FRMD3: variants seen among roughly 807,000 people sequenced by gnomAD.
The protein encoded by FRMD3 is FERM domain containing 3.
In FRMD3, 33 loss-of-function variants were observed where a neutral mutation model predicts 70.2. The ratio of observed to expected loss-of-function variants is 0.47; its 90% confidence interval spans 0.36 to 0.63. The LOEUF (loss-of-function observed/expected upper bound fraction) is 0.63, where lower values mean the gene tolerates loss of function less well. FRMD3 is among the 20% of genes least tolerant of loss of function. The pLI is 0.00. For missense variants in FRMD3, 632 were observed against 711.4 expected (o/e 0.89, Z 1.27); for synonymous variants, 279 against 255.9 (o/e 1.09, Z -0.86).
At chr9:83,560,180 C>A in the FRMD3 span, among the ~76,000 whole-genome samples, 1 of 152,252 alleles carries the variant, frequency 6.6e-6, no homozygotes, top group African/African-American at 2.4e-5. Flanking sequence ...CTTGGCAGTG[C>A]GAGTTTGCAG....
At chr9:83,567,982 C>G in the FRMD3 span, among the ~76,000 whole-genome samples, 1 of 152,174 alleles carries the variant, frequency 6.6e-6, no homozygotes, top group African/African-American at 2.4e-5. Flanking sequence ...TCTACTGGTA[C>G]CAATTCACTG....
At chr9:83,355,046 C>T (rs1205079933) in intron 3 of FRMD3, among the ~76,000 whole-genome samples, 2 of 152,160 alleles carry the variant, frequency 1.3e-5, no homozygotes, top group Non-Finnish European at 2.9e-5. Flanking sequence ...TGTATGACTG[C>T]TGGAAAAGGA....
intron 1 of FRMD3, among the ~76,000 whole-genome samples, chr9:83,436,080 C>T (rs926191235): frequency 5.3e-5 from 8 of 152,304 alleles, no homozygotes; most frequent in African/African-American, 1.4e-4. Context: ...CAGCCCCACA[C>T]AACACTGATT....
At chr9:83,423,370 AC>A (rs1202209659) in intron 1 of FRMD3, among the ~76,000 whole-genome samples, 2 of 151,970 alleles carry the variant, frequency 1.3e-5, no homozygotes, top group African/African-American at 4.8e-5. Context: ...ATAGATGAGG[AC>A]CCCAGAACAT....
At chr9:83,369,418 A>G (rs1483286897) in intron 3 of FRMD3, among the ~76,000 whole-genome samples, 2 of 151,952 alleles carry the variant, frequency 1.3e-5, no homozygotes, top group African/African-American at 2.4e-5. Flanking sequence ...TCTACTAAAA[A>G]TACAAAAATT....
Position 83,246,113 on chromosome 9 carries a change from C to A in FRMD3, c.*1805G>T, listed in dbSNP as rs1003725505. 5.3e-5 allele frequency: 52 copies of A among 983,800 alleles called. No individual in the cohort carries two copies. Among genetic ancestry groups the A allele is most frequent in the Non-Finnish European group, 5.7e-5 (47 of 828,632 alleles). The allele number at this position is 983,800 out of a possible 1,614,324, so 60.9% of individuals were successfully genotyped here. On this transcript the variant is annotated 3_prime_UTR_variant, in exon 14 of 14. Transcript: ENST00000304195. Reference sequence around the variant, plus strand: ...TAAATGTCCAGTGAAGTACTCAGAGCTCCACTGAGTGAGTGGAAATGTATT... The same window carrying A: ...TAAATGTCCAGTGAAGTACTCAGAGATCCACTGAGTGAGTGGAAATGTATT...
chr9:83,443,748 C>T (rs981582451), intron 1 of FRMD3, among the ~76,000 whole-genome samples: 54 of 152,166 alleles, frequency 3.5e-4, no homozygotes, highest in African/African-American at 1.3e-3. Context: ...GCAGTCTACA[C>T]TCCCACCAAC....
the FRMD3 span, among the ~76,000 whole-genome samples, chr9:83,584,944 A>G: frequency 3.9e-5 from 6 of 152,240 alleles, no homozygotes; most frequent in Non-Finnish European, 8.8e-5. Flanking sequence ...CTTGAAAGAC[A>G]TGAAAGACAG....
chr9:83,310,428 C>T, intron 9 of FRMD3, 57 bp downstream of exon 9: 2 of 1,373,112 alleles, frequency 1.5e-6, no homozygotes, highest in South Asian at 1.2e-5. Flanking sequence ...TATTTTACTC[C>T]TGAATCTCTC....
At chr9:83,378,819 T>C (rs1341352008) in intron 2 of FRMD3, among the ~76,000 whole-genome samples, 8 of 123,240 alleles carry the variant, frequency 6.5e-5, no homozygotes, top group African/African-American at 1.9e-4. Flanking sequence ...TATATATAAA[T>C]TTTATATAAA....
At chr9:83,290,860 G>T in intron 12 of FRMD3, 133 bp from the exon 13 acceptor site, 2 of 919,860 alleles carry the variant, frequency 2.2e-6, no homozygotes, top group Non-Finnish European at 3.3e-6. Context: ...TGAGCCAGTA[G>T]TAAAGATGAC....
At chr9:83,255,227 T>C (rs988827067) in intron 13 of FRMD3, among the ~76,000 whole-genome samples, 1 of 152,176 alleles carries the variant, frequency 6.6e-6, no homozygotes, top group Non-Finnish European at 1.5e-5. Context: ...TGGTTCAACA[T>C]ACACAAATCA....
intron 5 of FRMD3, among the ~76,000 whole-genome samples, chr9:83,338,517 C>T (rs1261230748): frequency 3.3e-5 from 5 of 152,142 alleles, no homozygotes; most frequent in South Asian, 2.1e-4. Context: ...ACATGGAAGA[C>T]GCACCCTTTG....
At chr9:83,275,176 C>T (rs912310989) in intron 13 of FRMD3, among the ~76,000 whole-genome samples, 3 of 152,140 alleles carry the variant, frequency 2.0e-5, no homozygotes, top group African/African-American at 2.4e-5. Context: ...AGCATGGGAC[C>T]GAGCCGTCGG....
chr9:83,358,475 G>C (rs1824476680), intron 3 of FRMD3, among the ~76,000 whole-genome samples: 1 of 151,948 alleles, frequency 6.6e-6, no homozygotes, highest in Non-Finnish European at 1.5e-5. Context: ...GAAGAATGAT[G>C]GTGGTATTTT....
In FRMD3 at chr9:83,497,840, C is replaced by T. The variant is rs556013821; in HGVS notation, c.147+40245G>A. Among the ~76,000 whole-genome samples, 50 of 152,292 alleles carry T rather than the reference C, an allele frequency of 3.3e-4. No individual in the cohort carries two copies. In the South Asian group the frequency reaches 3.3e-3, roughly 10 times the overall value. ...CAGAGGAGACTTTGGGGTGTTAAGA[C>T]GCTGAGATTTTAGGATGAATTTTTT... On this transcript the variant is annotated intron_variant, in intron 1 of 13. Transcript: ENST00000304195.
chr9:83,244,866 T>C lies in FRMD3; in HGVS notation c.*3052A>G, dbSNP rs1034223494. On this transcript the variant is annotated 3_prime_UTR_variant, in exon 14 of 14. Transcript: ENST00000304195. ...AAATACATAACATTTTACAATATTT[T>C]TCAAGCACAGACAAATACATACTTT... 1 of 984,202 alleles carries C rather than the reference T, an allele frequency of 1.0e-6. No homozygotes were observed. The highest frequency in any genetic ancestry group is 1.2e-6 in the Non-Finnish European group (1 of 829,484). The allele number at this position is 984,202 out of a possible 1,614,324, so 61.0% of individuals were successfully genotyped here. A position where few individuals can be genotyped will look rare whatever the true frequency, so the allele number is the denominator to read the frequency against.
chr9:83,358,892 G>T (rs561932546), intron 3 of FRMD3, among the ~76,000 whole-genome samples: 1 of 152,158 alleles, frequency 6.6e-6, no homozygotes, highest in Admixed American at 6.5e-5. Context: ...AATGACGCTT[G>T]AGCACCTAAA....
chr9:83,531,552 C>T (rs1002763756), intron 1 of FRMD3, among the ~76,000 whole-genome samples: 12 of 152,152 alleles, frequency 7.9e-5, no homozygotes, highest in African/African-American at 2.4e-4. Flanking sequence ...CCTTTTGTGT[C>T]TGATTTTCAG....
Sources: gnomAD v4.1 joint callset for allele counts (sites outside exome capture counted in the v4.1 genomes callset) on GRCh38, gnomAD v4.1.1 for gene constraint, MANE v1.5 for transcripts, NCBI Gene and HGNC (gene_info 2026-07-23, HGNC 2026-07-21) for gene names.